GCH1: variants seen among roughly 807,000 people sequenced by gnomAD.
GCH1 encodes GTP cyclohydrolase 1, also known as GTP cyclohydrolase I.
In GCH1, 5 loss-of-function variants were observed where a neutral mutation model predicts 25.9. The observed-to-expected ratio is 0.19, with a 90% CI of 0.10 to 0.41. The LOEUF (loss-of-function observed/expected upper bound fraction) is 0.41, where lower values mean the gene tolerates loss of function less well. Among genes scored for constraint, GCH1 ranks in the 10% least tolerant of loss-of-function variants. The pLI is 1.00. For missense variants in GCH1, 261 were observed against 336.5 expected, an observed-to-expected ratio of 0.78 and a Z score of 1.75; for synonymous variants, 159 against 129.6, an observed-to-expected ratio of 1.23 and a Z score of -1.54.
intron 1 of GCH1, among the ~76,000 whole-genome samples, chr14:54,879,673 G>C (rs1324547389): frequency 6.6e-6 from 1 of 152,072 alleles, no homozygotes; most frequent in Non-Finnish European, 1.5e-5. Context: ...GTTACATGTT[G>C]TTTGTAAACA....
chr14:54,868,174 T>C (rs2040015762), intron 1 of GCH1, among the ~76,000 whole-genome samples: 1 of 152,072 alleles, frequency 6.6e-6, no homozygotes, highest in Admixed American at 6.6e-5. Flanking sequence ...AGCACTTTGG[T>C]AGGGCAAGGT....
At chr14:54,897,638 T>C (rs1014794208) in intron 1 of GCH1, among the ~76,000 whole-genome samples, 1 of 152,118 alleles carries the variant, frequency 6.6e-6, no homozygotes, top group Non-Finnish European at 1.5e-5. Context: ...GTTTGAAATA[T>C]ACAGATAGGG....
chr14:54,900,114 C>T (rs2040542475), intron 1 of GCH1, among the ~76,000 whole-genome samples: 1 of 152,102 alleles, frequency 6.6e-6, no homozygotes, highest in Non-Finnish European at 1.5e-5. Flanking sequence ...ATCCGCCCGC[C>T]TCGGCCTCCC....
chr14:54,862,199 AT>A (rs199783999), intron 2 of GCH1, among the ~76,000 whole-genome samples: 6 of 151,758 alleles, frequency 4.0e-5, no homozygotes, highest in African/African-American at 9.7e-5. Flanking sequence ...TGCCCAATTA[AT>A]TTTAAAAAAA....
intron 1 of GCH1, among the ~76,000 whole-genome samples, chr14:54,874,835 T>C (rs1490789875): frequency 6.6e-6 from 1 of 151,976 alleles, no homozygotes; most frequent in Non-Finnish European, 1.5e-5. Context: ...CTCCATAAAA[T>C]AAAAGAGGAT....
chr14:54,856,544 C>G (rs1270822443), intron 3 of GCH1, among the ~76,000 whole-genome samples: 1 of 152,128 alleles, frequency 6.6e-6, no homozygotes, highest in Non-Finnish European at 1.5e-5. Context: ...CCTCCGCCTC[C>G]CAGGTTCAAG....
chr14:54,868,097 C>G (rs949695827), intron 1 of GCH1, among the ~76,000 whole-genome samples: 1 of 152,016 alleles, frequency 6.6e-6, no homozygotes, highest in Non-Finnish European at 1.5e-5. Flanking sequence ...TCTAGGGACA[C>G]AAAATATCTA....
At chr14:54,883,390 A>G (rs2040300604) in intron 1 of GCH1, among the ~76,000 whole-genome samples, 1 of 126,908 alleles carries the variant, frequency 7.9e-6, no homozygotes, top group African/African-American at 3.0e-5. Flanking sequence ...AAAAAAAAAA[A>G]AAAAAAAAGC....
chr14:54,894,036 T>C (rs930803774), intron 1 of GCH1, among the ~76,000 whole-genome samples: 1 of 152,230 alleles, frequency 6.6e-6, no homozygotes, highest in African/African-American at 2.4e-5. Context: ...GTGAAGTGCG[T>C]AGTACTTGAT....
chr14:54,880,055 C>T (rs28542181), intron 1 of GCH1, among the ~76,000 whole-genome samples: 30,565 of 143,356 alleles, frequency 0.21, 4,582 homozygotes, highest in East Asian at 0.42. Flanking sequence ...GACAGAAGAA[C>T]TGCTTGAACC....
rs916138496 is a variant in GCH1 at position 54,843,957 on chromosome 14, C to G, written c.*60G>C. ...AATGGAATGTACAAACAAGACCGGA[C>G]AGACAGACAATGCTACTGGCAGTAC... On this transcript the variant is annotated 3_prime_UTR_variant, in exon 6 of 6. Coordinates refer to ENST00000491895, the MANE Select transcript of GCH1 (RefSeq NM_000161.3). 1.7e-5 allele frequency: 28 copies of G among 1,613,888 alleles called. 1 individual carries two copies. The South Asian group carries it at 3.1e-4, about 18-fold the overall frequency.
chr14:54,849,131 T>G (rs2039687970), intron 3 of GCH1, among the ~76,000 whole-genome samples: 1 of 152,262 alleles, frequency 6.6e-6, no homozygotes, highest in Non-Finnish European at 1.5e-5. Flanking sequence ...TGCCTGCTTC[T>G]GGCAGACAGC....
chr14:54,897,033 T>C (rs1341726261), intron 1 of GCH1, among the ~76,000 whole-genome samples: 1 of 125,160 alleles, frequency 8.0e-6, no homozygotes, highest in African/African-American at 3.5e-5. Context: ...TTTTTTGAGA[T>C]GGAGTCTTGC....
intron 1 of GCH1, among the ~76,000 whole-genome samples, chr14:54,875,444 G>A (rs184944905): frequency 1.8e-4 from 27 of 152,194 alleles, no homozygotes; most frequent in African/African-American, 6.0e-4. Flanking sequence ...CACCAAAAGT[G>A]ATGGCAACAA....
Position 54,848,036 on chromosome 14 carries a change from A to G in GCH1, c.510-906T>C, listed in dbSNP as rs544819459. Among the ~76,000 whole-genome samples, 3 of 152,290 alleles carry G rather than the reference A, an allele frequency of 2.0e-5. No homozygotes were observed. The South Asian group carries it at 6.2e-4, about 32-fold the overall frequency. ...TAGACTTCTTCAGACACCTCTTCAT[A>G]AGATAGGTTTATGTAAGCACTTAGT... On this transcript the variant is annotated intron_variant, in intron 3 of 5. Transcript: ENST00000491895.
At chr14:54,864,758 A>G (rs2039967058) in intron 2 of GCH1, among the ~76,000 whole-genome samples, 1 of 152,184 alleles carries the variant, frequency 6.6e-6, no homozygotes, top group Non-Finnish European at 1.5e-5. Context: ...AAAGTTTCAT[A>G]AGACTAGGAC....
At chr14:54,849,961 T>C (rs754747984) in intron 3 of GCH1, among the ~76,000 whole-genome samples, 57 of 152,158 alleles carry the variant, frequency 3.7e-4, no homozygotes, top group Non-Finnish European at 6.3e-4. Context: ...AAGTTTCTTA[T>C]CCCTTTGTCA....
intron 1 of GCH1, among the ~76,000 whole-genome samples, chr14:54,870,335 C>CAA (rs561453897): frequency 2.5e-3 from 165 of 66,534 alleles, no homozygotes; most frequent in South Asian, 2.8e-3. Context: ...CTGTTTTTAC[C>CAA]AAAAAAAAAA....
At chr14:54,894,410 G>T (rs1299789478) in intron 1 of GCH1, among the ~76,000 whole-genome samples, 1 of 152,120 alleles carries the variant, frequency 6.6e-6, no homozygotes, top group Admixed American at 6.5e-5. Context: ...CCCACTACAG[G>T]TTCTGGAGTG....
Sources: allele counts gnomAD v4.1 joint callset (sites outside exome capture counted in the v4.1 genomes callset), GRCh38; gene constraint gnomAD v4.1.1; transcripts MANE v1.5; gene names NCBI Gene and HGNC (gene_info 2026-07-23, HGNC 2026-07-21).